PLCL1: variants seen among roughly 807,000 people sequenced by gnomAD.
PLCL1 encodes inactive phospholipase C-like protein 1.
A neutral mutation model predicts 84.4 loss-of-function variants in PLCL1; 41 were observed. That is an observed-to-expected ratio of 0.49 (90% CI 0.38 to 0.63). The LOEUF (loss-of-function observed/expected upper bound fraction) is 0.63. Ranked by LOEUF, PLCL1 falls within the 30% of genes least tolerant of loss-of-function variation. The pLI, the probability that PLCL1 is intolerant of heterozygous loss-of-function variation, is 0.00. For synonymous variants in PLCL1, 490 were observed against 488.3 expected, an observed-to-expected ratio of 1.00 and a Z score of -0.05; for missense variants, 1,206 against 1,367.8, an observed-to-expected ratio of 0.88 and a Z score of 1.87.
intron 5 of PLCL1, among the ~76,000 whole-genome samples, chr2:198,132,401 C>T (rs1244023944): frequency 6.6e-6 from 1 of 152,028 alleles, no homozygotes; most frequent in African/African-American, 2.4e-5. Flanking sequence ...GCCTGACAAA[C>T]TTCTGGATTC....
At chr2:198,050,583 A>G (rs1004423578) in intron 1 of PLCL1, among the ~76,000 whole-genome samples, 1 of 152,244 alleles carries the variant, frequency 6.6e-6, no homozygotes, top group East Asian at 1.9e-4. Context: ...GCTGAATGCT[A>G]AAAGGTTGTT....
intron 1 of PLCL1, among the ~76,000 whole-genome samples, chr2:197,821,726 T>C (rs1201893705): frequency 6.6e-6 from 1 of 152,132 alleles, no homozygotes; most frequent in Non-Finnish European, 1.5e-5. Flanking sequence ...CATATGGCCA[T>C]ACCCAGCTGC....
intron 5 of PLCL1, among the ~76,000 whole-genome samples, chr2:198,134,191 G>A (rs1694196225): frequency 6.7e-6 from 1 of 149,560 alleles, no homozygotes; most frequent in African/African-American, 2.5e-5. Flanking sequence ...TAGATGGCTT[G>A]AGTCTGAGAT....
intron 1 of PLCL1, among the ~76,000 whole-genome samples, chr2:197,860,950 A>G (rs1687421094): frequency 1.3e-5 from 2 of 152,148 alleles, no homozygotes; most frequent in Admixed American, 6.6e-5. Context: ...GCCCGTTCCT[A>G]TGTCCAGAAT....
At position 198,083,793 on chromosome 2, in the gene PLCL1, A is replaced by T; in HGVS notation, c.276A>T (p.Lys92Asn). 1.3e-6 allele frequency: 2 copies of T among 1,592,390 alleles called. No homozygotes were observed. Among genetic ancestry groups the T allele is most frequent in the Non-Finnish European group, 1.7e-6 (2 of 1,169,592 alleles). ...PSNQKCGGRK[K>N]TVSFSSMPSE... ...ACCAAAAATGTGGTGGAAGAAAGAA[A>T]ACCGTGTCTTTCAGCAGCATGCCAT... is the stretch of plus-strand genomic sequence containing the variant. The change falls in exon 2 of 6, where the codon AAA (lysine) becomes AAT (asparagine). Residue 92 changes from lysine (K) to asparagine (N), a missense_variant. Physicochemically the swap from Lys to Asn is moderately conservative, Grantham distance 94. Coordinates refer to ENST00000428675, the MANE Select transcript of PLCL1 (RefSeq NM_006226.4).
intron 1 of PLCL1, among the ~76,000 whole-genome samples, chr2:197,976,010 T>A (rs1689973989): frequency 6.6e-6 from 1 of 152,028 alleles, no homozygotes; most frequent in Non-Finnish European, 1.5e-5. Flanking sequence ...CACAGACCTC[T>A]CATTCTTTAA....
At chr2:198,127,740 G>C (rs1040380641) in intron 5 of PLCL1, among the ~76,000 whole-genome samples, 4 of 152,176 alleles carry the variant, frequency 2.6e-5, no homozygotes, top group Admixed American at 2.6e-4. Flanking sequence ...CATGGAAGCA[G>C]AGGAATAAAC....
intron 1 of PLCL1, among the ~76,000 whole-genome samples, chr2:197,927,571 G>A (rs1177724520): frequency 1.3e-5 from 2 of 152,174 alleles, no homozygotes; most frequent in Non-Finnish European, 2.9e-5. Flanking sequence ...GTGTTTTCAA[G>A]GCAAACAGCC....
At chr2:197,935,443 A>C (rs1437439043) in intron 1 of PLCL1, among the ~76,000 whole-genome samples, 3 of 152,200 alleles carry the variant, frequency 2.0e-5, no homozygotes, top group Non-Finnish European at 4.4e-5. Context: ...CATAAAAAGA[A>C]CAAGATCTTG....
At chr2:197,820,667 A>T (rs931212898) in intron 1 of PLCL1, among the ~76,000 whole-genome samples, 1 of 152,166 alleles carries the variant, frequency 6.6e-6, no homozygotes, top group Non-Finnish European at 1.5e-5. Context: ...AAAAAGTTGA[A>T]ATCAAAATTT....
At chr2:197,932,174 C>G (rs1688949751) in intron 1 of PLCL1, among the ~76,000 whole-genome samples, 1 of 152,038 alleles carries the variant, frequency 6.6e-6, no homozygotes, top group South Asian at 2.1e-4. Context: ...TCCACAGTTA[C>G]CATCTGATGA....
At chr2:197,876,972 G>T (rs1311347805) in intron 1 of PLCL1, among the ~76,000 whole-genome samples, 2 of 152,090 alleles carry the variant, frequency 1.3e-5, no homozygotes, top group Non-Finnish European at 2.9e-5. Flanking sequence ...ACTTTTCAAG[G>T]TTGACATTTT....
At chr2:198,122,400 C>T (rs1693889223) in intron 5 of PLCL1, among the ~76,000 whole-genome samples, 1 of 151,936 alleles carries the variant, frequency 6.6e-6, no homozygotes, top group South Asian at 2.1e-4. Context: ...CTTTGAGTTT[C>T]TTCCTTCCTT....
chr2:197,888,489 G>A (rs1360905719), intron 1 of PLCL1, among the ~76,000 whole-genome samples: 1 of 152,164 alleles, frequency 6.6e-6, no homozygotes, highest in Non-Finnish European at 1.5e-5. Flanking sequence ...TTGAGTCATG[G>A]AGCTGGGGCT....
chr2:197,993,684 C>T (rs1280142498), intron 1 of PLCL1, among the ~76,000 whole-genome samples: 1 of 152,162 alleles, frequency 6.6e-6, no homozygotes, highest in Non-Finnish European at 1.5e-5. Context: ...GTCAACTTCT[C>T]TAGAACCTGT....
At chr2:197,926,399 C>G (rs181494135) in intron 1 of PLCL1, among the ~76,000 whole-genome samples, 2 of 152,314 alleles carry the variant, frequency 1.3e-5, no homozygotes, top group East Asian at 3.9e-4. Context: ...AGTCTATTCC[C>G]TTAGAACCTT....
chr2:198,046,451 T>C (rs1574271297), intron 1 of PLCL1, among the ~76,000 whole-genome samples: 1 of 152,326 alleles, frequency 6.6e-6, no homozygotes, highest in East Asian at 1.9e-4. Context: ...ACGGGTGATT[T>C]CTGCTTTGAA....
chr2:197,937,967 A>G (rs982017764), intron 1 of PLCL1, among the ~76,000 whole-genome samples: 1 of 152,082 alleles, frequency 6.6e-6, no homozygotes, highest in African/African-American at 2.4e-5. Context: ...TGTACTTGGG[A>G]CCTGTTGGGC....
At chr2:197,922,974 C>G (rs1368112386) in intron 1 of PLCL1, among the ~76,000 whole-genome samples, 1 of 92,048 alleles carries the variant, frequency 1.1e-5, no homozygotes, top group Non-Finnish European at 2.3e-5. Flanking sequence ...ACCTCCCTCC[C>G]GGACCGGGCG....
Sources: allele counts gnomAD v4.1 joint callset (sites outside exome capture counted in the v4.1 genomes callset), GRCh38; gene constraint gnomAD v4.1.1; transcripts MANE v1.5; gene names NCBI Gene and HGNC (gene_info 2026-07-23, HGNC 2026-07-21).